The following RNF13 variants were observed in gnomAD, a reference collection of about 807,000 sequenced individuals.
The protein encoded by RNF13 is E3 ubiquitin-protein ligase RNF13.
In RNF13, 19 loss-of-function variants were observed where a neutral mutation model predicts 37.7. The observed-to-expected ratio is 0.50, with a 90% CI of 0.35 to 0.74. The LOEUF (loss-of-function observed/expected upper bound fraction) is 0.74, where lower values mean the gene tolerates loss of function less well. Among genes scored for constraint, RNF13 ranks in the 30% least tolerant of loss-of-function variants. The pLI is 0.01. For missense variants in RNF13, 375 were observed against 453.0 expected (o/e 0.83, Z 1.56); for synonymous variants, 144 against 157.8 (o/e 0.91, Z 0.65).
At chr3:149,882,485 C>T (rs1468297671) in intron 4 of RNF13, among the ~76,000 whole-genome samples, 1 of 152,044 alleles carries the variant, frequency 6.6e-6, no homozygotes, top group African/African-American at 2.4e-5. Flanking sequence ...ACATTAAAGC[C>T]TGGTACTTAA....
intron 4 of RNF13, among the ~76,000 whole-genome samples, chr3:149,883,419 A>ATGTGTGTGTATG (rs1351607757): frequency 6.6e-6 from 1 of 151,982 alleles, no homozygotes; most frequent in African/African-American, 2.4e-5. Context: ...GATCTTTAAA[A>ATGTGTGTGTATG]TGTGTGTGTA....
intron 7 of RNF13, among the ~76,000 whole-genome samples, chr3:149,916,871 G>T (rs1412477080): frequency 3.3e-5 from 5 of 152,116 alleles, no homozygotes; most frequent in African/African-American, 9.6e-5. Context: ...AGTTTATTCA[G>T]CTAAATGCTT....
At chr3:149,875,222 A>G (rs1712548206) in intron 4 of RNF13, among the ~76,000 whole-genome samples, 1 of 152,144 alleles carries the variant, frequency 6.6e-6, no homozygotes, top group Admixed American at 6.5e-5. Context: ...ATCCAAAGTG[A>G]CATACAAATT....
intron 8 of RNF13, among the ~76,000 whole-genome samples, chr3:149,934,189 A>G (rs764574720): frequency 1.3e-5 from 2 of 152,090 alleles, no homozygotes; most frequent in Non-Finnish European, 2.9e-5. Context: ...AAAATCTCTG[A>G]TGATCATTAT....
intron 7 of RNF13, among the ~76,000 whole-genome samples, chr3:149,918,735 C>CTTAGGCTA (rs1169391153): frequency 3.5e-5 from 5 of 144,410 alleles, no homozygotes; most frequent in Non-Finnish European, 7.5e-5. Context: ...CTCTGTGTTG[C>CTTAGGCTA]TTAGGCTAGT....
intron 1 of RNF13, chr3:149,822,511 G>A (rs1720084517): frequency 6.6e-6 from 1 of 151,972 alleles, no homozygotes; most frequent in African/African-American, 2.4e-5. Flanking sequence ...TTTTTTCCAT[G>A]TGCAAGCTGA....
intron 3 of RNF13, among the ~76,000 whole-genome samples, chr3:149,871,602 C>T (rs1042853859): frequency 6.6e-6 from 1 of 151,540 alleles, no homozygotes; most frequent in African/African-American, 2.4e-5. Context: ...CCACATACAC[C>T]TTACATACTC....
At chr3:149,886,617 G>C (rs1273175986) in intron 4 of RNF13, among the ~76,000 whole-genome samples, 1 of 151,864 alleles carries the variant, frequency 6.6e-6, no homozygotes, top group Non-Finnish European at 1.5e-5. Context: ...AATTTTCCTG[G>C]CTAGAACTGC....
intron 7 of RNF13, among the ~76,000 whole-genome samples, chr3:149,918,041 A>G (rs564159242): frequency 6.6e-6 from 1 of 152,302 alleles, no homozygotes; most frequent in African/African-American, 2.4e-5. Context: ...GCCACATTTT[A>G]TTGTAATTTT....
In RNF13 at chr3:149,911,713, C is replaced by T. The variant is rs1416133104; in HGVS notation, c.501-265C>T. Among the ~76,000 whole-genome samples, 3 of 151,376 alleles carry T rather than the reference C, an allele frequency of 2.0e-5. No individual in the cohort carries two copies. The East Asian group carries it at 5.8e-4, about 29-fold the overall frequency. On this transcript the variant is annotated intron_variant, in intron 6 of 9. Coordinates refer to ENST00000392894, the MANE Select transcript of RNF13 (RefSeq NM_183381.3). ...ATAAATAACATATCTCCAGGATAGA[C>T]ACAGTAAGAATTGATTGGCTAGTTT...
At chr3:149,958,974 CAGA>C (rs1296028796) in intron 8 of RNF13, among the ~76,000 whole-genome samples, 2 of 152,184 alleles carry the variant, frequency 1.3e-5, no homozygotes, top group Non-Finnish European at 2.9e-5. Flanking sequence ...GGGATTGTTT[CAGA>C]AGAACTATCA....
At chr3:149,852,834 GT>G (rs1017635720) in intron 3 of RNF13, among the ~76,000 whole-genome samples, 1 of 151,534 alleles carries the variant, frequency 6.6e-6, no homozygotes, top group African/African-American at 2.4e-5. Flanking sequence ...TTTCAGACCT[GT>G]TTTTTTAGGA....
chr3:149,923,659 A>C (rs11711133), intron 8 of RNF13, among the ~76,000 whole-genome samples: 75 of 151,062 alleles, frequency 5.0e-4, no homozygotes, highest in African/African-American at 1.8e-3. Context: ...CCAGCTACTC[A>C]GGAGGCTGAG....
chr3:149,864,860 T>C (rs1724641856), intron 3 of RNF13, among the ~76,000 whole-genome samples: 1 of 152,248 alleles, frequency 6.6e-6, no homozygotes, highest in Non-Finnish European at 1.5e-5. Flanking sequence ...ATTGATCATA[T>C]TTCCTAGCTT....
At chr3:149,866,658 C>T (rs771645121) in intron 3 of RNF13, among the ~76,000 whole-genome samples, 21 of 152,200 alleles carry the variant, frequency 1.4e-4, no homozygotes, top group Non-Finnish European at 3.1e-4. Context: ...GGTTCAGACA[C>T]CTCTGACATG....
intron 1 of RNF13, among the ~76,000 whole-genome samples, chr3:149,841,619 T>A (rs752785130): frequency 2.6e-5 from 4 of 152,214 alleles, no homozygotes; most frequent in Admixed American, 2.6e-4. Context: ...GCAGATTCTT[T>A]TTTTTATTTT....
At chr3:149,857,192 A>G (rs1404584305) in intron 3 of RNF13, among the ~76,000 whole-genome samples, 1 of 152,192 alleles carries the variant, frequency 6.6e-6, no homozygotes, top group East Asian at 1.9e-4. Context: ...TTTATAGTAT[A>G]ATATATCAGT....
At chr3:149,927,200 T>C (rs1718739610) in intron 8 of RNF13, among the ~76,000 whole-genome samples, 1 of 152,216 alleles carries the variant, frequency 6.6e-6, no homozygotes, top group South Asian at 2.1e-4. Context: ...GTCTCTGAAT[T>C]TGACTACTGT....
At chr3:149,951,180 C>G (rs1721295770) in intron 8 of RNF13, among the ~76,000 whole-genome samples, 1 of 152,154 alleles carries the variant, frequency 6.6e-6, no homozygotes, top group African/African-American at 2.4e-5. Flanking sequence ...ACAGTTCAGG[C>G]TTGGCTACCA....
Sources: allele counts gnomAD v4.1 joint callset (sites outside exome capture counted in the v4.1 genomes callset), GRCh38; gene constraint gnomAD v4.1.1; transcripts MANE v1.5; gene names NCBI Gene and HGNC (gene_info 2026-07-23, HGNC 2026-07-21).